Variants in PPCDC observed in about 807,000 individuals in gnomAD.
PPCDC encodes phosphopantothenoylcysteine decarboxylase.
PPCDC carries 20 observed loss-of-function variants against 20.7 expected under a neutral mutation model. The ratio of observed to expected loss-of-function variants is 0.97; its 90% CI spans 0.68 to 1.41. The LOEUF (loss-of-function observed/expected upper bound fraction) is 1.41, where lower values mean the gene tolerates loss of function less well. Ranked by LOEUF, PPCDC falls within the 40% of genes most tolerant of loss-of-function variation. The pLI, the probability that PPCDC is intolerant of heterozygous loss-of-function variation, is 0.00. For synonymous variants in PPCDC, 88 were observed against 100.3 expected (o/e 0.88, Z 0.73); for missense variants, 246 against 263.8 (o/e 0.93, Z 0.47).
intron 4 of PPCDC, among the ~76,000 whole-genome samples, chr15:75,046,752 T>C (rs966160677): frequency 6.6e-6 from 1 of 152,278 alleles, no homozygotes; most frequent in African/African-American, 2.4e-5. Flanking sequence ...GACCTCCCTT[T>C]CCAGCGCCCA....
At position 75,044,511 on chromosome 15, in the gene PPCDC, G is replaced by C; in HGVS notation, c.357G>C (p.Leu119Phe). ...GKVASGICDN[L>F]LTCVMRAWDR... The stretch of plus-strand genomic sequence containing the variant: ...TGGCCAGTGGCATCTGTGACAACTT[G>C]CTTGTGAGTGATGTCCTGGTGCCCT... Residue 119 changes from leucine (L) to phenylalanine (F), a missense_variant, in exon 4 of 6, where the codon TTG (leucine) becomes TTC (phenylalanine). Transcript: ENST00000342932. 1 of 1,613,812 alleles carries C rather than the reference G, an allele frequency of 6.2e-7. No individual in the cohort carries two copies. Among genetic ancestry groups the C allele is most frequent in the Non-Finnish European group, 8.5e-7 (1 of 1,179,770 alleles).
chr15:75,043,361 C>G, intron 2 of PPCDC, 80 bp from the exon 3 acceptor site: 1 of 1,263,744 alleles, frequency 7.9e-7, no homozygotes, highest in Non-Finnish European at 1.1e-6. Flanking sequence ...CCTGCCCTGA[C>G]CCTCCTGTGG....
chr15:75,041,825 C>T (rs1182375616), intron 2 of PPCDC, among the ~76,000 whole-genome samples: 6 of 152,194 alleles, frequency 3.9e-5, no homozygotes, highest in Admixed American at 2.6e-4. Flanking sequence ...TGTTCCTAGG[C>T]GCTGTGCCGC....
chr15:75,044,558 C>G (rs771184948), intron 4 of PPCDC, 44 bp downstream of exon 4: 12 of 1,595,600 alleles, frequency 7.5e-6, no homozygotes, highest in South Asian at 3.4e-5. Context: ...GGGCCTCACA[C>G]CCAGTTTGCT....
intron 1 of PPCDC, among the ~76,000 whole-genome samples, chr15:75,026,184 C>T (rs2065957596): frequency 6.6e-6 from 1 of 152,136 alleles, no homozygotes; most frequent in Non-Finnish European, 1.5e-5. Flanking sequence ...TCTGGTTTTG[C>T]AGGAATCTAC....
intron 2 of PPCDC, among the ~76,000 whole-genome samples, chr15:75,030,365 C>A (rs942563783): frequency 1.2e-4 from 19 of 152,242 alleles, no homozygotes; most frequent in African/African-American, 4.3e-4. Flanking sequence ...TCACCCTGTC[C>A]TTTCCCCTTG....
intron 1 of PPCDC, among the ~76,000 whole-genome samples, chr15:75,025,743 T>C (rs540106682): frequency 6.6e-6 from 1 of 152,280 alleles, no homozygotes; most frequent in Admixed American, 6.5e-5. Flanking sequence ...CCTGTGCAAA[T>C]AGGTGACTCC....
Position 75,028,025 on chromosome 15 carries a change from G to A in PPCDC, c.-72-222G>A, listed in dbSNP as rs1175884593. 5 of 353,080 alleles carry A rather than the reference G, an allele frequency of 1.4e-5. No individual in the cohort carries two copies. In the East Asian group the frequency reaches 1.8e-4, roughly 13 times the overall value. 21.9% of individuals were successfully genotyped at this position (353,080 alleles called of 1,614,324 possible). ...AGAGATGGTCACCCTGAGCAGCCAC[G>A]CACCTGGTACAGCCCTTCCCCACAG... On this transcript the variant is annotated intron_variant, in intron 1 of 5. Transcript: ENST00000342932.
intron 2 of PPCDC, among the ~76,000 whole-genome samples, chr15:75,036,666 C>T (rs1043354585): frequency 8.6e-5 from 13 of 152,026 alleles, no homozygotes; most frequent in African/African-American, 1.4e-4. Context: ...AACAGGACCC[C>T]GGGTGGAGCT....
At chr15:75,042,006 A>G (rs1047678784) in intron 2 of PPCDC, among the ~76,000 whole-genome samples, 4 of 152,264 alleles carry the variant, frequency 2.6e-5, no homozygotes, top group Admixed American at 2.0e-4. Context: ...ATGTGTGTCC[A>G]GCAGCGCCTA....
rs1240173957 is a variant in PPCDC, at chr15:75,028,315, C to T, written c.-4C>T. The T allele has an allele frequency of 1.2e-6, 2 of 1,613,968 alleles. No individual in the cohort carries two copies. The highest frequency in any genetic ancestry group is 1.7e-6 in the Non-Finnish European group (2 of 1,179,968). On this transcript the variant is annotated 5_prime_UTR_variant, in exon 2 of 6. Coordinates refer to ENST00000342932, the MANE Select transcript of PPCDC (RefSeq NM_021823.5). ...TCCCAGAACTTGAAGCCACCAGACCCCACATGGAACCAAAGGCCTCCTGTC... is the reference window on the plus strand; with the variant it reads ...TCCCAGAACTTGAAGCCACCAGACCTCACATGGAACCAAAGGCCTCCTGTC...
chr15:75,039,179 C>A (rs1173077997), intron 2 of PPCDC, among the ~76,000 whole-genome samples: 1 of 152,188 alleles, frequency 6.6e-6, no homozygotes, highest in Admixed American at 6.5e-5. Context: ...GTCTTCACTG[C>A]CAGGGACTTG....
At chr15:75,024,891 C>G (rs569484068) in intron 1 of PPCDC, among the ~76,000 whole-genome samples, 247 of 150,156 alleles carry the variant, frequency 1.6e-3, no homozygotes, top group African/African-American at 5.9e-3. Context: ...AGTGTAAATG[C>G]TATGTAAATA....
rs147547634 is a variant in PPCDC, at chr15:75,028,448, C to A, written c.130C>A (p.Pro44Thr). The change falls in exon 2 of 6, where the codon CCT (proline) becomes ACT (threonine). Residue 44 changes from proline to threonine, a missense_variant. By Grantham distance (38) the Pro-to-Thr change is conservative (BLOSUM62 -1). Around this residue, in one of 2 missense-constraint regions of PPCDC, gnomAD observed 225 missense variants for 222.6 expected, o/e 1.01. Coordinates refer to ENST00000342932, the MANE Select transcript of PPCDC (RefSeq NM_021823.5). ...TCTGGTGTCAAAGCTTTTGGACATTCCTGGGGTGAGTATCCTCACCAGATA... is the reference window on the plus strand; with the variant it reads ...TCTGGTGTCAAAGCTTTTGGACATTACTGGGGTGAGTATCCTCACCAGATA... ...PLLVSKLLDIPGLEVAVVTTE... is the reference protein window; with the variant it reads ...PLLVSKLLDITGLEVAVVTTE... 3 of 1,614,200 alleles carry A rather than the reference C, an allele frequency of 1.9e-6. No homozygotes were observed. The highest frequency in any genetic ancestry group is 2.7e-5 in the African/African-American group (2 of 75,044).
intron 2 of PPCDC, 31 bp from the exon 3 acceptor site, chr15:75,043,410 C>G: frequency 2.5e-6 from 4 of 1,578,244 alleles, no homozygotes; most frequent in Non-Finnish European, 3.5e-6. Context: ...TTCTTCCTCC[C>G]TCCCCGCCAC....
In PPCDC at chr15:75,023,745, C is replaced by T. The variant is rs186447238; in HGVS notation, c.-73+119C>T. 290 of 152,516 alleles carry T rather than the reference C, an allele frequency of 1.9e-3. 1 individual carries two copies. Among genetic ancestry groups the T allele is most frequent in the Non-Finnish European group, 3.4e-3 (232 of 68,092 alleles). The allele number at this position is 152,516 out of a possible 1,614,324, so 9.4% of individuals were successfully genotyped here. ...TGTCTGTGTGTGTCCTTATTTTCCCCTGTGTGCCCATGAAGCTCTGTTTGC... is the reference window on the plus strand; with the variant it reads ...TGTCTGTGTGTGTCCTTATTTTCCCTTGTGTGCCCATGAAGCTCTGTTTGC... On this transcript the variant is annotated intron_variant, in intron 1 of 5. Coordinates refer to ENST00000342932, the MANE Select transcript of PPCDC (RefSeq NM_021823.5).
intron 2 of PPCDC, among the ~76,000 whole-genome samples, chr15:75,042,124 C>A (rs2066160243): frequency 6.6e-6 from 1 of 152,224 alleles, no homozygotes; most frequent in African/African-American, 2.4e-5. Context: ...GGCCAAACAG[C>A]ATGTCTATAG....
At chr15:75,040,081 GT>G (rs2066135013) in intron 2 of PPCDC, among the ~76,000 whole-genome samples, 1 of 150,784 alleles carries the variant, frequency 6.6e-6, no homozygotes, top group African/African-American at 2.4e-5. Flanking sequence ...ATGCCCAGCC[GT>G]TCTCTTCTCT....
In PPCDC at chr15:75,044,468, CCAACA is replaced by C. The variant is rs754481213; in HGVS notation, c.316_320del (p.Asn106SerfsTer10). On this transcript the variant is annotated frameshift_variant, in exon 4 of 6. Coordinates refer to ENST00000342932, the MANE Select transcript of PPCDC (RefSeq NM_021823.5). LOFTEE classifies it high-confidence loss of function. ...CTCCTGCTGGTGGCTCCTCTTGATGCCAACACTCTGGGGAAGGTGGCCAGTGGCAT... is the reference window on the plus strand; with the variant it reads ...CTCCTGCTGGTGGCTCCTCTTGATGCCTCTGGGGAAGGTGGCCAGTGGCAT... The C allele has an allele frequency of 6.2e-7, 1 of 1,614,198 alleles. No individual in the cohort carries two copies. The highest frequency in any genetic ancestry group is 8.5e-7 in the Non-Finnish European group (1 of 1,180,004).
Sources: gnomAD v4.1 joint callset for allele counts (sites outside exome capture counted in the v4.1 genomes callset) on GRCh38, gnomAD v4.1.1 for gene constraint, gnomAD v4.1.1 regional missense constraint, MANE v1.5 for transcripts, NCBI Gene and HGNC (gene_info 2026-07-23, HGNC 2026-07-21) for gene names.